NPC1: variants seen among roughly 807,000 people sequenced by gnomAD.
The protein encoded by NPC1 is Niemann-Pick C1 protein.
A neutral mutation model predicts 140.4 loss-of-function variants in NPC1; 85 were observed. The observed-to-expected ratio is 0.61, with a 90% CI of 0.51 to 0.72. The LOEUF is 0.72. Among genes scored for constraint, NPC1 ranks in the 30% least tolerant of loss-of-function variants. NPC1 has a pLI of 0.00. For synonymous variants in NPC1, 656 were observed against 624.8 expected (o/e 1.05, Z -0.74); for missense variants, 1,504 against 1,623.8 (o/e 0.93, Z 1.27).
intron 14 of NPC1, among the ~76,000 whole-genome samples, chr18:23,542,524 T>C (rs2058726912): frequency 6.6e-6 from 1 of 151,126 alleles, no homozygotes; most frequent in South Asian, 2.1e-4. Flanking sequence ...GTCACTTTGC[T>C]CTTACTACAC....
chr18:23,506,950 C>T (rs758066127), intron 3 of NPC1: 3 of 1,540,426 alleles, frequency 1.9e-6, no homozygotes, highest in Non-Finnish European at 2.7e-6. Flanking sequence ...TAACTACTAA[C>T]ACAATCTTTC....
chr18:23,550,479 C>CTTCTTTTTT (rs746388624), intron 10 of NPC1, among the ~76,000 whole-genome samples: 6 of 74,922 alleles, frequency 8.0e-5, no homozygotes, highest in African/African-American at 3.9e-4. Flanking sequence ...TCTTACATTT[C>CTTCTTTTTT]TTTTTTTTTT....
At chr18:23,559,111 CCA>C (rs563046958) in intron 6 of NPC1, among the ~76,000 whole-genome samples, 66 of 152,268 alleles carry the variant, frequency 4.3e-4, no homozygotes, top group Non-Finnish European at 6.6e-4. Context: ...TTTTCTTAAT[CCA>C]GTCTATCGTT....
At chr18:23,527,944 C>T, downstream of NPC1, 1 of 1,447,786 alleles carries the variant, frequency 6.9e-7, no homozygotes, top group Non-Finnish European at 9.5e-7. Context: ...CTCCCCCACC[C>T]CCTCCCGGGT....
chr18:23,510,925 CAGAG>C (rs1401106523), intron 3 of NPC1, among the ~76,000 whole-genome samples: 1 of 152,174 alleles, frequency 6.6e-6, no homozygotes, highest in Non-Finnish European at 1.5e-5. Flanking sequence ...GGCGATTCCT[CAGAG>C]AGCTAAAAGC....
chr18:23,514,541 G>C (rs1479788225), intron 3 of NPC1, among the ~76,000 whole-genome samples: 1 of 151,050 alleles, frequency 6.6e-6, no homozygotes, highest in Non-Finnish European at 1.5e-5. Context: ...TGGGCAACAA[G>C]AGTGAAACTC....
intron 23 of NPC1, chr18:23,534,166 C>A: frequency 1.8e-6 from 1 of 550,664 alleles, no homozygotes; most frequent in Non-Finnish European, 3.3e-6. Flanking sequence ...CCCGGGCTCC[C>A]CTGCATTTTA....
intron 3 of NPC1, among the ~76,000 whole-genome samples, chr18:23,510,395 C>T (rs1309589819): frequency 6.6e-6 from 1 of 150,970 alleles, no homozygotes; most frequent in Non-Finnish European, 1.5e-5. Context: ...CACCTGTAAT[C>T]CCAGCACTTT....
At chr18:23,569,176 T>C (rs186085040) in intron 3 of NPC1, among the ~76,000 whole-genome samples, 178 bp from the exon 4 acceptor site, 34 of 152,324 alleles carry the variant, frequency 2.2e-4, no homozygotes, top group Non-Finnish European at 4.1e-4. Context: ...AGGCACACCT[T>C]TAAAAAATGC....
At chr18:23,507,832 T>G (rs553163863) in intron 3 of NPC1, among the ~76,000 whole-genome samples, 1 of 152,380 alleles carries the variant, frequency 6.6e-6, no homozygotes, top group South Asian at 2.1e-4. Context: ...CGAATTGGTC[T>G]TTTTATCTTT....
At chr18:23,547,493 C>A (rs1364171448) in intron 11 of NPC1, among the ~76,000 whole-genome samples, 1 of 152,168 alleles carries the variant, frequency 6.6e-6, no homozygotes, top group Non-Finnish European at 1.5e-5. Context: ...GTAATCCCGG[C>A]ACTTTGGGAG....
chr18:23,546,977 CT>C (rs1027472711), intron 11 of NPC1, among the ~76,000 whole-genome samples: 18 of 152,018 alleles, frequency 1.2e-4, no homozygotes, highest in African/African-American at 4.3e-4. Context: ...GCTTTTTTTT[CT>C]TTTTAAATTC....
rs1269683981 is a variant in NPC1, at chr18:23,560,211, T to C, written c.881+20A>G. 1 of 1,613,920 alleles carries C rather than the reference T, an allele frequency of 6.2e-7. No homozygotes were observed. Among genetic ancestry groups the C allele is most frequent in the Non-Finnish European group, 8.5e-7 (1 of 1,179,944 alleles). On this transcript the variant is annotated intron_variant, in intron 6 of 24. Coordinates refer to ENST00000269228, the MANE Select transcript of NPC1 (RefSeq NM_000271.5). The stretch of plus-strand genomic sequence containing the variant: ...GCAATTTTGCTCTTTTTGCCCTGGA[T>C]GACAAACAAAACTGCTTACCTGTAG...
At chr18:23,529,729 T>C (rs756057852), downstream of NPC1, 1 of 1,599,720 alleles carries the variant, frequency 6.3e-7, no homozygotes, top group Non-Finnish European at 8.6e-7. Flanking sequence ...TCAAATCATC[T>C]GGGCCCAAGT....
chr18:23,567,859 C>G (rs947208602), intron 4 of NPC1, among the ~76,000 whole-genome samples: 2 of 152,112 alleles, frequency 1.3e-5, no homozygotes, highest in Non-Finnish European at 2.9e-5. Flanking sequence ...TGAAATTGAC[C>G]AACTTTTTAA....
At chr18:23,535,733 C>T (rs763981534) in intron 21 of NPC1, 33 bp from the exon 22 acceptor site, 10 of 1,404,308 alleles carry the variant, frequency 7.1e-6, no homozygotes, top group East Asian at 2.3e-5. Flanking sequence ...CATTAAAGCT[C>T]GCTCTCACTC....
intron 1 of NPC1, among the ~76,000 whole-genome samples, chr18:23,574,067 A>G (rs1335365785): frequency 2.6e-4 from 39 of 152,254 alleles, no homozygotes; most frequent in Admixed American, 2.6e-3. Flanking sequence ...AGCGAGAATG[A>G]ACTTCCTGTC....
At chr18:23,575,824 C>T (rs999327434) in intron 1 of NPC1, among the ~76,000 whole-genome samples, 5 of 144,672 alleles carry the variant, frequency 3.5e-5, no homozygotes, top group African/African-American at 1.0e-4. Flanking sequence ...TGGTGGCTCA[C>T]GCCTATAATC....
intron 20 of NPC1, 151 bp downstream of exon 20, chr18:23,538,391 T>A (rs572966758): frequency 2.1e-6 from 2 of 961,768 alleles, no homozygotes; most frequent in East Asian, 4.8e-5. Flanking sequence ...AAAAGGTGTT[T>A]TCGGTTTTCC....
Sources: gnomAD v4.1 joint callset for allele counts (sites outside exome capture counted in the v4.1 genomes callset) on GRCh38, gnomAD v4.1.1 for gene constraint, MANE v1.5 for transcripts, NCBI Gene and HGNC (gene_info 2026-07-23, HGNC 2026-07-21) for gene names.